The following CACNA1B variants were observed in gnomAD, a reference collection of about 807,000 sequenced individuals.
CACNA1B encodes the protein calcium voltage-gated channel subunit alpha1 B.
Under a neutral mutation model 247.2 loss-of-function variants are expected in CACNA1B, and 70 were observed. The ratio of observed to expected loss-of-function variants is 0.28; its 90% CI spans 0.23 to 0.35. The LOEUF is 0.35. Among genes scored for constraint, CACNA1B ranks in the 10% least tolerant of loss-of-function variants. CACNA1B has a pLI of 1.00. For synonymous variants in CACNA1B, 1,231 were observed against 1,294.4 expected (o/e 0.95, Z 1.05); for missense variants, 2,367 against 3,197.4 (o/e 0.74, Z 6.26).
intron 3 of CACNA1B, among the ~76,000 whole-genome samples, chr9:137,908,343 C>A (rs985576722): frequency 6.6e-6 from 1 of 151,938 alleles, no homozygotes; most frequent in African/African-American, 2.4e-5. Flanking sequence ...TGGTGGAACC[C>A]CGTCTCTAAT....
chr9:138,091,448 G>T, intron 36 of CACNA1B, among the ~76,000 whole-genome samples: 1 of 152,182 alleles, frequency 6.6e-6, no homozygotes, highest in East Asian at 1.9e-4. Flanking sequence ...AGCTAGACAG[G>T]TGAAATAAGT....
rs377673584 is a variant in CACNA1B at position 138,047,476 on chromosome 9, C to T, written c.3603+18C>T. 2 of 1,582,268 alleles carry T rather than the reference C, an allele frequency of 1.3e-6. No individual in the cohort carries two copies. Among genetic ancestry groups the T allele is most frequent in the South Asian group, 2.2e-5 (2 of 90,422 alleles). Reference sequence around the variant, plus strand: ...TGATAAAGGTGAGATATGTGGCTGCCCTTGTGACCCCAGTGTTTTGCTCTC... The same window carrying T: ...TGATAAAGGTGAGATATGTGGCTGCTCTTGTGACCCCAGTGTTTTGCTCTC... On this transcript the variant is annotated intron_variant, in intron 23 of 46. Coordinates refer to ENST00000371372, the MANE Select transcript of CACNA1B (RefSeq NM_000718.4).
Position 138,037,456 on chromosome 9 carries a change from C to A in CACNA1B, c.3287-6318C>A, listed in dbSNP as rs148362976. On this transcript the variant is annotated intron_variant, in intron 20 of 46. Coordinates refer to ENST00000371372, the MANE Select transcript of CACNA1B (RefSeq NM_000718.4). ...GGAGGATCACCTGAGGTCAGGCATT[C>A]GAGACCAACCTGGCAAACATGGTGA... Among the ~76,000 whole-genome samples, 671 of 152,240 alleles carry A rather than the reference C, an allele frequency of 4.4e-3. 8 individuals carry two copies. The highest frequency in any genetic ancestry group is 0.016 in the African/African-American group (644 of 41,538).
intron 6 of CACNA1B, among the ~76,000 whole-genome samples, chr9:137,944,218 A>G (rs918656298): frequency 6.6e-6 from 1 of 152,076 alleles, no homozygotes; most frequent in Non-Finnish European, 1.5e-5. Context: ...GATTTTGATT[A>G]GTTTGTGGGC....
rs1297652879 is a variant in CACNA1B, at chr9:138,074,078, C to T, written c.4857+12C>T. 1 of 1,607,458 alleles carries T rather than the reference C, an allele frequency of 6.2e-7. No individual in the cohort carries two copies. The highest frequency in any genetic ancestry group is 1.1e-5 in the South Asian group (1 of 91,008). ...TCATCGGCATGCAGGTGGGTGCTCC[C>T]CTTTGGGACAGAGCGTGGTTCCGGC... is the stretch of plus-strand genomic sequence containing the variant. On this transcript the variant is annotated intron_variant, in intron 34 of 46. Coordinates refer to ENST00000371372, the MANE Select transcript of CACNA1B (RefSeq NM_000718.4).
chr9:137,971,325 G>A lies in CACNA1B; in HGVS notation c.1334-58G>A, dbSNP rs958380259. The A allele has an allele frequency of 7.7e-7, 1 of 1,292,988 alleles. No individual in the cohort carries two copies. The highest frequency in any genetic ancestry group is 1.1e-6 in the Non-Finnish European group (1 of 911,580). 80.1% of individuals were successfully genotyped at this position (1,292,988 alleles called of 1,614,324 possible). On this transcript the variant is annotated intron_variant, in intron 10 of 46. Coordinates refer to ENST00000371372, the MANE Select transcript of CACNA1B (RefSeq NM_000718.4). This position sits in a 1 kb window ranked among gnomAD's most constrained non-coding sequence, Gnocchi z 4.4. Reference sequence around the variant, plus strand: ...AGAGTGCGTCTGTGGGGGTCCACAGGTGGGGTAGGCGGGTGCCCATTGGTC... The same window carrying A: ...AGAGTGCGTCTGTGGGGGTCCACAGATGGGGTAGGCGGGTGCCCATTGGTC...
intron 31 of CACNA1B, among the ~76,000 whole-genome samples, chr9:138,065,156 T>C (rs537925266): frequency 6.6e-6 from 1 of 152,264 alleles, no homozygotes; most frequent in Non-Finnish European, 1.5e-5. Flanking sequence ...GGGAGAAAGC[T>C]CCCCTACATT....
At chr9:137,912,340 A>G (rs2133276212) in intron 3 of CACNA1B, among the ~76,000 whole-genome samples, 1 of 152,334 alleles carries the variant, frequency 6.6e-6, no homozygotes, top group East Asian at 1.9e-4. Flanking sequence ...GGAGGAAAAC[A>G]GGAGAGAGTT....
intron 15 of CACNA1B, among the ~76,000 whole-genome samples, chr9:137,993,998 C>T (rs567017160): frequency 5.8e-4 from 88 of 152,196 alleles, no homozygotes; most frequent in Admixed American, 1.7e-3. Flanking sequence ...GATAATCCAC[C>T]GTGATCAAGT....
chr9:138,005,105 C>T (rs1313772007), intron 15 of CACNA1B, among the ~76,000 whole-genome samples: 1 of 152,200 alleles, frequency 6.6e-6, no homozygotes, highest in African/African-American at 2.4e-5. Context: ...CCACAAAAAT[C>T]CCACTGCTGG....
At chr9:138,118,519 C>G in intron 43 of CACNA1B, 133 bp from the exon 44 acceptor site, 1 of 587,274 alleles carries the variant, frequency 1.7e-6, no homozygotes, top group Non-Finnish European at 3.1e-6. Flanking sequence ...GACGTGTGAA[C>G]AGCAGTGGGA....
Position 138,051,452 on chromosome 9 carries a change from TCTCCCTCCCTCC to T in CACNA1B, c.3711-627_3711-616del, listed in dbSNP as rs376476348. Among the ~76,000 whole-genome samples, 138 of 149,884 alleles carry T rather than the reference TCTCCCTCCCTCC, an allele frequency of 9.2e-4. No individual in the cohort carries two copies. The South Asian group carries it at 0.012, about 13-fold the overall frequency. On this transcript the variant is annotated intron_variant, in intron 24 of 46. Transcript: ENST00000371372. The surrounding 1 kb of genome is among the most constrained non-coding windows in gnomAD (Gnocchi z 4.3). The stretch of plus-strand genomic sequence containing the variant: ...GCATTGATATGTCTGTCTCTATGGC[TCTCCCTCCCTCC>T]CTCCCTCCCTCCTTCCCTCCCTCTC...
chr9:138,068,606 TGGA>T (rs1172773423), intron 31 of CACNA1B: 2 of 518,920 alleles, frequency 3.9e-6, no homozygotes, highest in South Asian at 2.8e-5. Context: ...GCCTCCTCCT[TGGA>T]AACAGAAATC....
intron 36 of CACNA1B, among the ~76,000 whole-genome samples, chr9:138,086,135 A>G (rs1700311184): frequency 6.6e-6 from 1 of 151,358 alleles, no homozygotes; most frequent in Non-Finnish European, 1.5e-5. Context: ...CTACCTATAA[A>G]TGATAACCTT....
chr9:137,911,051 C>T (rs1957354499), intron 3 of CACNA1B, among the ~76,000 whole-genome samples: 1 of 152,018 alleles, frequency 6.6e-6, no homozygotes. Context: ...TTTTGAGTTA[C>T]TTTCTGTATT....
At chr9:138,025,641 G>C (rs1173095010) in intron 20 of CACNA1B, among the ~76,000 whole-genome samples, 1 of 152,198 alleles carries the variant, frequency 6.6e-6, no homozygotes, top group Non-Finnish European at 1.5e-5. Context: ...TGCCATCCCT[G>C]CTCTGAGGCT....
intron 15 of CACNA1B, among the ~76,000 whole-genome samples, chr9:137,991,599 A>G (rs1958432410): frequency 6.6e-6 from 1 of 152,252 alleles, no homozygotes; most frequent in South Asian, 2.1e-4. Context: ...TGCAAAATTC[A>G]TTGCAGAAGA....
chr9:138,045,318 C>T (rs1959172649), intron 21 of CACNA1B, among the ~76,000 whole-genome samples: 1 of 152,126 alleles, frequency 6.6e-6, no homozygotes, highest in Admixed American at 6.5e-5. Flanking sequence ...GATTGCAGCC[C>T]AGCAGGGCCC....
At position 137,986,951 on chromosome 9, in the gene CACNA1B, T is replaced by C. The variant is rs560927018; in HGVS notation, c.1974+97T>C. 46 of 910,308 alleles carry C rather than the reference T, an allele frequency of 5.1e-5. No individual in the cohort carries two copies. The East Asian group carries it at 1.1e-3, about 21-fold the overall frequency. The allele number at this position is 910,308 out of a possible 1,614,324, so 56.4% of individuals were successfully genotyped here. A position where few individuals can be genotyped will look rare whatever the true frequency, so the allele number is the denominator to read the frequency against. ...CTCCTGTCATTCCCTCCCTTGTTCC[T>C]CCACACGGCCCAGATCACTGACTTT... On this transcript the variant is annotated intron_variant, in intron 15 of 46. Transcript: ENST00000371372. This position sits in a 1 kb window ranked among gnomAD's most constrained non-coding sequence, Gnocchi z 6.0.
Sources: gnomAD v4.1 joint callset for allele counts (sites outside exome capture counted in the v4.1 genomes callset) on GRCh38, gnomAD v4.1.1 for gene constraint, Gnocchi (gnomAD v3.1) non-coding constraint, MANE v1.5 for transcripts, NCBI Gene and HGNC (gene_info 2026-07-23, HGNC 2026-07-21) for gene names.